KCTD8: variants seen among roughly 807,000 people sequenced by gnomAD.
The protein encoded by KCTD8 is potassium channel tetramerization domain containing 8.
A neutral mutation model predicts 31.5 loss-of-function variants in KCTD8; 27 were observed. That is an observed-to-expected ratio of 0.86 (90% CI 0.63 to 1.18). The LOEUF is 1.18. Ranked by LOEUF, KCTD8 falls within the 50% of genes most tolerant of loss-of-function variation. KCTD8 has a pLI of 0.00. For synonymous variants in KCTD8, 290 were observed against 280.0 expected (o/e 1.04, Z -0.36); for missense variants, 658 against 647.7 (o/e 1.02, Z -0.17).
intron 1 of KCTD8, among the ~76,000 whole-genome samples, chr4:44,431,237 C>A (rs1399539743): frequency 1.3e-5 from 2 of 151,498 alleles, no homozygotes; most frequent in African/African-American, 4.8e-5. Flanking sequence ...AGTTCTGATA[C>A]ACCCCCATTC....
intron 1 of KCTD8, among the ~76,000 whole-genome samples, chr4:44,179,955 T>C (rs896209776): frequency 2.3e-4 from 35 of 152,166 alleles, no homozygotes; most frequent in African/African-American, 7.5e-4. Flanking sequence ...CTTCCAGGGA[T>C]AATTTAAAAC....
At chr4:44,233,782 T>C (rs1336365194) in intron 1 of KCTD8, among the ~76,000 whole-genome samples, 1 of 152,192 alleles carries the variant, frequency 6.6e-6, no homozygotes, top group Non-Finnish European at 1.5e-5. Context: ...TCCTTGAGAA[T>C]TTTAACTGCT....
intron 1 of KCTD8, among the ~76,000 whole-genome samples, chr4:44,214,015 C>T (rs569682423): frequency 3.9e-5 from 6 of 152,108 alleles, no homozygotes; most frequent in Non-Finnish European, 1.5e-5. Context: ...CTTTTATATG[C>T]CTAACAATGC....
At chr4:44,381,608 C>T (rs962637544) in intron 1 of KCTD8, among the ~76,000 whole-genome samples, 1 of 152,024 alleles carries the variant, frequency 6.6e-6, no homozygotes, top group East Asian at 1.9e-4. Context: ...AATGTCATGT[C>T]GAAATGGGAT....
At chr4:44,253,867 A>T (rs1278686742) in intron 1 of KCTD8, among the ~76,000 whole-genome samples, 1 of 151,924 alleles carries the variant, frequency 6.6e-6, no homozygotes, top group South Asian at 2.1e-4. Context: ...ACAGAAATTG[A>T]TCCTGCAAGT....
chr4:44,205,301 G>T (rs957424936), intron 1 of KCTD8, among the ~76,000 whole-genome samples: 1 of 152,182 alleles, frequency 6.6e-6, no homozygotes, highest in South Asian at 2.1e-4. Flanking sequence ...AATCTGGAAA[G>T]TTACATCAGT....
At position 44,332,515 on chromosome 4, in the gene KCTD8, T is replaced by A. The variant is rs565139356; in HGVS notation, c.961+115048A>T. 3.4e-4 allele frequency among the ~76,000 whole-genome samples: 52 copies of A among 152,150 alleles called. No individual in the cohort carries two copies. In the Middle Eastern group the frequency reaches 0.014, roughly 40 times the overall value. On this transcript the variant is annotated intron_variant, in intron 1 of 1. Coordinates refer to ENST00000360029, the MANE Select transcript of KCTD8 (RefSeq NM_198353.3). ...TTATTCTCCATAGATTCATACAAGA[T>A]AAGTTTTCAATAACTAGTTGTTGAC... is the stretch of plus-strand genomic sequence containing the variant.
At chr4:44,226,761 T>C (rs567116695) in intron 1 of KCTD8, among the ~76,000 whole-genome samples, 3 of 152,356 alleles carry the variant, frequency 2.0e-5, no homozygotes, top group South Asian at 2.1e-4. Flanking sequence ...TATCTCATTG[T>C]GGTTTTGATT....
rs187536484 is a variant in KCTD8 at position 44,443,019 on chromosome 4, G to A, written c.961+4544C>T. On this transcript the variant is annotated intron_variant, in intron 1 of 1. Coordinates refer to ENST00000360029, the MANE Select transcript of KCTD8 (RefSeq NM_198353.3). Reference sequence around the variant, plus strand: ...AGTTCAATGCCATTAAACAACAATCGGTGTCATAGCACAGCCTCTAAACTT... The same window carrying A: ...AGTTCAATGCCATTAAACAACAATCAGTGTCATAGCACAGCCTCTAAACTT... Among the ~76,000 whole-genome samples the A allele has an allele frequency of 1.2e-3, 190 of 152,180 alleles. 1 individual carries two copies. The highest frequency in any genetic ancestry group is 2.2e-3 in the Non-Finnish European group (149 of 67,990).
In KCTD8 at chr4:44,215,361, T is replaced by A. The variant is rs190636411; in HGVS notation, c.962-40111A>T. Among the ~76,000 whole-genome samples, 626 of 152,338 alleles carry A rather than the reference T, an allele frequency of 4.1e-3. 4 individuals carry two copies. The highest frequency in any genetic ancestry group is 7.1e-3 in the Non-Finnish European group (482 of 68,034). On this transcript the variant is annotated intron_variant, in intron 1 of 1. Coordinates refer to ENST00000360029, the MANE Select transcript of KCTD8 (RefSeq NM_198353.3). ...ATTTAAAAATATAGATGAATCATAATTCAATTCTAAATAAAATTTATATAA... is the reference window on the plus strand; with the variant it reads ...ATTTAAAAATATAGATGAATCATAAATCAATTCTAAATAAAATTTATATAA...
intron 1 of KCTD8, among the ~76,000 whole-genome samples, chr4:44,413,351 A>T (rs937744466): frequency 6.6e-6 from 1 of 152,200 alleles, no homozygotes; most frequent in Non-Finnish European, 1.5e-5. Context: ...TGATGGAAGT[A>T]AACTGGTAAC....
chr4:44,441,952 TA>T (rs1206402831), intron 1 of KCTD8, among the ~76,000 whole-genome samples: 1 of 152,186 alleles, frequency 6.6e-6, no homozygotes, highest in Non-Finnish European at 1.5e-5. Flanking sequence ...AAGATGTCAA[TA>T]AAAATGTTAA....
At chr4:44,353,634 A>C (rs1435721692) in intron 1 of KCTD8, among the ~76,000 whole-genome samples, 1 of 152,006 alleles carries the variant, frequency 6.6e-6, no homozygotes, top group Non-Finnish European at 1.5e-5. Context: ...TACCCTTCCC[A>C]GCCTCTGGTC....
rs10938342 is a variant in KCTD8, at chr4:44,442,774, T to TACACACGTATACACACACAC, written c.961+4788_961+4789insGTGTGTGTGTATACGTGTGT. On this transcript the variant is annotated intron_variant, in intron 1 of 1. Coordinates refer to ENST00000360029, the MANE Select transcript of KCTD8 (RefSeq NM_198353.3). The stretch of plus-strand genomic sequence containing the variant: ...AAGAGGCTTTTTCTTAACTAAGGTA[T>TACACACGTATACACACACAC]ACACACACACACACACACACACACA... Among the ~76,000 whole-genome samples, 908 of 147,328 alleles carry TACACACGTATACACACACAC rather than the reference T, an allele frequency of 6.2e-3. 2 individuals are homozygous for TACACACGTATACACACACAC. The highest frequency in any genetic ancestry group is 0.014 in the African/African-American group (543 of 39,788).
intron 1 of KCTD8, among the ~76,000 whole-genome samples, chr4:44,354,776 C>T (rs1168396147): frequency 6.6e-6 from 1 of 152,052 alleles, no homozygotes; most frequent in Non-Finnish European, 1.5e-5. Flanking sequence ...CTTTACTTAA[C>T]ATATCCTTAC....
chr4:44,274,042 G>C (rs2109374287), intron 1 of KCTD8, among the ~76,000 whole-genome samples: 2 of 151,986 alleles, frequency 1.3e-5, no homozygotes, highest in South Asian at 4.1e-4. Context: ...ATTTAAAAAA[G>C]ATTATAACCT....
chr4:44,394,879 ATGTAGGTCT>A (rs1327235466), intron 1 of KCTD8, among the ~76,000 whole-genome samples: 19 of 152,122 alleles, frequency 1.2e-4, no homozygotes, highest in African/African-American at 4.3e-4. Flanking sequence ...TCAGGTTCTG[ATGTAGGTCT>A]TGTTCCAGTG....
At chr4:44,325,216 G>A (rs983680276) in intron 1 of KCTD8, among the ~76,000 whole-genome samples, 2 of 151,926 alleles carry the variant, frequency 1.3e-5, no homozygotes, top group African/African-American at 2.4e-5. Context: ...ATTGTGGTAC[G>A]TGAGGTGTGT....
intron 1 of KCTD8, among the ~76,000 whole-genome samples, chr4:44,332,479 A>C (rs1718612587): frequency 6.6e-6 from 1 of 152,020 alleles, no homozygotes; most frequent in Non-Finnish European, 1.5e-5. Context: ...ATGAAATATT[A>C]TTCACCATTT....
Sources: gnomAD v4.1 joint callset for allele counts (sites outside exome capture counted in the v4.1 genomes callset) on GRCh38, gnomAD v4.1.1 for gene constraint, MANE v1.5 for transcripts, NCBI Gene and HGNC (gene_info 2026-07-23, HGNC 2026-07-21) for gene names.